The following NUP153 variants were observed in gnomAD, a reference collection of about 807,000 sequenced individuals.
NUP153 encodes nucleoporin 153.
NUP153 carries 27 observed loss-of-function variants against 134.6 expected under a neutral mutation model. The observed-to-expected ratio is 0.20, with a 90% CI of 0.15 to 0.28. The LOEUF (loss-of-function observed/expected upper bound fraction) is 0.28. Ranked by LOEUF, NUP153 falls within the 10% of genes least tolerant of loss-of-function variation. The pLI, the probability that NUP153 is intolerant of heterozygous loss-of-function variation, is 1.00. For missense variants in NUP153, 1,821 were observed against 1,731.3 expected, an observed-to-expected ratio of 1.05 and a Z score of -0.92; for synonymous variants, 640 against 623.5, an observed-to-expected ratio of 1.03 and a Z score of -0.40.
In NUP153 at chr6:17,640,032, A is replaced by T; in HGVS notation, c.1753T>A (p.Cys585Ser). 1.2e-6 allele frequency: 2 copies of T among 1,610,986 alleles called. No homozygotes were observed. The highest frequency in any genetic ancestry group is 1.7e-6 in the Non-Finnish European group (2 of 1,178,378). ...HHVTTVNSTN[C>S]KKTPPEDCEG... Reference sequence around the variant, plus strand: ...CAATCTTCAGGTGGTGTCTTCTTACAATTTGTACTGTTCACTGTAGTGACA... The same window carrying T: ...CAATCTTCAGGTGGTGTCTTCTTACTATTTGTACTGTTCACTGTAGTGACA... Residue 585 changes from cysteine to serine, a missense_variant, in exon 15 of 22, where the codon TGT (cysteine) becomes AGT (serine). Transcript: ENST00000262077.
rs78429165 is a variant in NUP153 at position 17,629,543 on chromosome 6, C to A, written c.2660-4G>T. On this transcript the variant is annotated splice_region_variant and splice_polypyrimidine_tract_variant and intron_variant, in intron 17 of 21. Coordinates refer to ENST00000262077, the MANE Select transcript of NUP153 (RefSeq NM_005124.4). ...GATGAGGAAGATGTGTCAAAGCCTA[C>A]AAAAATATAAAAGACACCACATAGA... 6.3e-7 allele frequency: 1 copy of A among 1,575,722 alleles called. No individual in the cohort carries two copies. Among genetic ancestry groups the A allele is most frequent in the Non-Finnish European group, 8.6e-7 (1 of 1,168,102 alleles).
intron 11 of NUP153, chr6:17,651,937 T>C: frequency 1.6e-6 from 1 of 616,314 alleles, no homozygotes; most frequent in Non-Finnish European, 3.1e-6. Context: ...CTACAAATAA[T>C]TTTAAAAATT....
intron 17 of NUP153, among the ~76,000 whole-genome samples, chr6:17,630,068 G>A (rs1247188967): frequency 6.6e-6 from 1 of 152,180 alleles, no homozygotes; most frequent in Non-Finnish European, 1.5e-5. Context: ...GGGCAGAAAG[G>A]GAGTGCGGTA....
intron 11 of NUP153, among the ~76,000 whole-genome samples, chr6:17,660,046 T>C (rs953580000): frequency 6.6e-6 from 1 of 152,172 alleles, no homozygotes; most frequent in African/African-American, 2.4e-5. Context: ...TCAATTTATA[T>C]GGCAGAAAGT....
chr6:17,704,383 T>G (rs1288024273), intron 1 of NUP153, among the ~76,000 whole-genome samples: 3 of 152,064 alleles, frequency 2.0e-5, no homozygotes, highest in African/African-American at 7.2e-5. Flanking sequence ...TGACCTATAT[T>G]TAAAACAAGT....
At chr6:17,674,193 T>C (rs1484592915) in intron 5 of NUP153, among the ~76,000 whole-genome samples, 1 of 152,120 alleles carries the variant, frequency 6.6e-6, no homozygotes. Flanking sequence ...AAGAGATACA[T>C]AAGGTAACGT....
intron 16 of NUP153, among the ~76,000 whole-genome samples, chr6:17,633,296 C>T (rs1011689573): frequency 2.6e-5 from 4 of 152,162 alleles, no homozygotes; most frequent in Admixed American, 2.6e-4. Flanking sequence ...CAGCCACAGA[C>T]CATATGAATT....
chr6:17,650,111 A>C (rs895437009), intron 11 of NUP153, among the ~76,000 whole-genome samples: 2 of 152,208 alleles, frequency 1.3e-5, no homozygotes, highest in Non-Finnish European at 2.9e-5. Context: ...TCTACCTGAT[A>C]AACGTTTAGA....
In NUP153 at chr6:17,629,162, C is replaced by T. The variant is rs376508281; in HGVS notation, c.3037G>A (p.Glu1013Lys). 3.2e-5 allele frequency: 51 copies of T among 1,612,992 alleles called. No individual in the cohort carries two copies. Among genetic ancestry groups the T allele is most frequent in the Non-Finnish European group, 4.0e-5 (47 of 1,179,836 alleles). Residue 1013 changes from glutamate to lysine, a missense_variant, in exon 18 of 22, where the codon GAA becomes AAA. Physicochemically the swap from Glu to Lys is moderately conservative, Grantham distance 56. Transcript: ENST00000262077. ...CCTGCAGAGGAAGATTTGGGCAGTTCCTCTTTCTTTTCTTCCTGTCCAAGA... is the reference window on the plus strand; with the variant it reads ...CCTGCAGAGGAAGATTTGGGCAGTTTCTCTTTCTTTTCTTCCTGTCCAAGA... ...SNLGQEEKKE[E>K]LPKSSSAGFS...
At position 17,629,154 on chromosome 6, in the gene NUP153, G is replaced by C. The variant is rs1248024631; in HGVS notation, c.3045C>G (p.Pro1015=). 1.9e-6 allele frequency: 3 copies of C among 1,613,134 alleles called. No homozygotes were observed. The highest frequency in any genetic ancestry group is 3.3e-5 in the Admixed American group (2 of 59,816). ...LGQEEKKEEL[P]KSSSAGFSFG... is the part of the protein sequence containing the mutation. ...AGCTAAAACCTGCAGAGGAAGATTTGGGCAGTTCCTCTTTCTTTTCTTCCT... is the reference window on the plus strand; with the variant it reads ...AGCTAAAACCTGCAGAGGAAGATTTCGGCAGTTCCTCTTTCTTTTCTTCCT... The change falls in exon 18 of 22, where the codon CCC becomes CCG. Residue 1015 remains proline (P), a synonymous_variant. Transcript: ENST00000262077.
rs888320825 is a variant in NUP153, at chr6:17,682,442, C to T, written c.334+5954G>A. ...CCTCATCGACTGACTATTCCTTTAA[C>T]GAAAGATTTCTCTGTGGCATGCAAT... On this transcript the variant is annotated intron_variant, in intron 2 of 21. Transcript: ENST00000262077. 4.6e-5 allele frequency among the ~76,000 whole-genome samples: 7 copies of T among 152,118 alleles called. No homozygotes were observed. The East Asian group carries it at 7.7e-4, about 17-fold the overall frequency.
At chr6:17,643,600 T>C (rs887247528) in intron 14 of NUP153, among the ~76,000 whole-genome samples, 2 of 152,202 alleles carry the variant, frequency 1.3e-5, no homozygotes, top group African/African-American at 2.4e-5. Context: ...CGGTAAAATG[T>C]TAGGATTCCC....
At chr6:17,679,527 T>C (rs1026062169) in intron 2 of NUP153, among the ~76,000 whole-genome samples, 11 of 152,192 alleles carry the variant, frequency 7.2e-5, no homozygotes, top group African/African-American at 2.4e-4. Flanking sequence ...CTAAAATTCA[T>C]ATGGAATCTC....
intron 2 of NUP153, among the ~76,000 whole-genome samples, chr6:17,686,220 G>C (rs909629271): frequency 2.0e-5 from 3 of 152,154 alleles, no homozygotes; most frequent in Non-Finnish European, 1.5e-5. Flanking sequence ...CCTTCTGGAA[G>C]TATTCCAGAA....
rs560276823 is a variant in NUP153, at chr6:17,622,287, A to G, written c.4174+2274T>C. On this transcript the variant is annotated intron_variant, in intron 20 of 21. Transcript: ENST00000262077. ...TAACATGGCAAAACCCTGTCTCTAC[A>G]AACCACGCCCCCCTCCAAAAATGAA... 3.4e-4 allele frequency among the ~76,000 whole-genome samples: 51 copies of G among 152,212 alleles called. 1 individual carries two copies. The South Asian group carries it at 0.011, about 32-fold the overall frequency.
At chr6:17,629,588 C>T in intron 17 of NUP153, 49 bp from the exon 18 acceptor site, 1 of 1,495,262 alleles carries the variant, frequency 6.7e-7, no homozygotes, top group Non-Finnish European at 8.9e-7. Flanking sequence ...TACTGATCCT[C>T]TCAAACAAAA....
chr6:17,645,343 T>C (rs952124137), intron 14 of NUP153, among the ~76,000 whole-genome samples: 3 of 152,044 alleles, frequency 2.0e-5, no homozygotes, highest in Non-Finnish European at 4.4e-5. Flanking sequence ...CAGCCAGCTG[T>C]AGTGTGGTAG....
At chr6:17,641,877 A>T (rs1025467547) in intron 14 of NUP153, among the ~76,000 whole-genome samples, 2 of 152,124 alleles carry the variant, frequency 1.3e-5, no homozygotes, top group African/African-American at 4.8e-5. Context: ...AAAAAGAAAC[A>T]AGATGGGTCA....
intron 14 of NUP153, among the ~76,000 whole-genome samples, chr6:17,644,524 G>A (rs976995733): frequency 1.4e-4 from 22 of 152,158 alleles, no homozygotes; most frequent in Admixed American, 2.6e-4. Context: ...TCTTGTTCCT[G>A]TGCCCTTGAG....
Sources: gnomAD v4.1 joint callset for allele counts (sites outside exome capture counted in the v4.1 genomes callset) on GRCh38, gnomAD v4.1.1 for gene constraint, MANE v1.5 for transcripts, NCBI Gene and HGNC (gene_info 2026-07-23, HGNC 2026-07-21) for gene names.